The following CLPS variants were observed in gnomAD, a reference collection of about 807,000 sequenced individuals.
CLPS encodes the protein colipase, pancreatic.
CLPS carries 8 observed loss-of-function variants against 9.3 expected under a neutral mutation model. The observed-to-expected ratio is 0.86, with a 90% CI of 0.51 to 1.56. The LOEUF (loss-of-function observed/expected upper bound fraction) is 1.56. Among genes scored for constraint, CLPS ranks in the 40% most tolerant of loss-of-function variants. The pLI, the probability that CLPS is intolerant of heterozygous loss-of-function variation, is 0.00. For missense variants in CLPS, 144 were observed against 145.7 expected, an observed-to-expected ratio of 0.99 and a Z score of 0.06; for synonymous variants, 61 against 56.2, an observed-to-expected ratio of 1.09 and a Z score of -0.39.
At chr6:35,795,982 C>G in intron 1 of CLPS, 129 bp from the exon 2 acceptor site, 1 of 1,456,864 alleles carries the variant, frequency 6.9e-7, no homozygotes, top group Non-Finnish European at 9.3e-7. Context: ...GAGTCCATCC[C>G]CTGGGTCTGG....
chr6:35,796,344 C>T (rs977162538), intron 1 of CLPS, among the ~76,000 whole-genome samples: 2 of 152,274 alleles, frequency 1.3e-5, no homozygotes, highest in Admixed American at 1.3e-4. Flanking sequence ...AGTTCAGAAC[C>T]TTTCAACCGC....
chr6:35,797,266 A>C lies in CLPS; in HGVS notation c.23T>G (p.Leu8Arg). ...ATAGGCCACAGAGAGGGCGACAAGC[A>C]GGAGGATCAGGATCTTCTCCATGGT... Reference protein sequence around the residue: MEKILILLLVALSVAYAA... With the variant: MEKILILRLVALSVAYAA... The change falls in exon 1 of 3, where the codon CTG becomes CGG. Residue 8 changes from leucine (L) to arginine (R), a missense_variant. Transcript: ENST00000259938. 6.2e-7 allele frequency: 1 copy of C among 1,612,646 alleles called. No individual in the cohort carries two copies. The highest frequency in any genetic ancestry group is 8.5e-7 in the Non-Finnish European group (1 of 1,179,540).
chr6:35,796,425 C>T (rs1368101782), intron 1 of CLPS, among the ~76,000 whole-genome samples: 1 of 152,264 alleles, frequency 6.6e-6, no homozygotes, highest in Non-Finnish European at 1.5e-5. Context: ...GTGGTGGGGC[C>T]CCAGCTGAAC....
In CLPS at chr6:35,795,358, C is replaced by T. The variant is rs1768331407; in HGVS notation, c.208-81G>A. The T allele has an allele frequency of 5.2e-6, 8 of 1,553,330 alleles. No individual in the cohort carries two copies. In the Admixed American group the frequency reaches 1.3e-4, roughly 25 times the overall value. On this transcript the variant is annotated intron_variant, in intron 2 of 2. Transcript: ENST00000259938. ...TTGTCCCCTGCCTGACCTAGAGAACCAGTAGGCCAGCCTGTGTTTTCGGGG... is the reference window on the plus strand; with the variant it reads ...TTGTCCCCTGCCTGACCTAGAGAACTAGTAGGCCAGCCTGTGTTTTCGGGG...
intron 2 of CLPS, 135 bp from the exon 3 acceptor site, chr6:35,795,412 G>T: frequency 7.5e-7 from 1 of 1,338,928 alleles, no homozygotes; most frequent in Middle Eastern, 2.1e-4. Flanking sequence ...CTCCCCAGGG[G>T]TGCCGTGGGC....
intron 1 of CLPS, among the ~76,000 whole-genome samples, chr6:35,796,353 G>A (rs958155771): frequency 2.6e-5 from 4 of 152,394 alleles, no homozygotes; most frequent in African/African-American, 7.2e-5. Context: ...CCTTTCAACC[G>A]CATGGACGTT....
rs556188601 is a variant in CLPS at position 35,797,139 on chromosome 6, A to T, written c.84+66T>A. Reference sequence around the variant, plus strand: ...AGTCCAGGTGGAGACATCAGAGGTCAAGGTCCAAGCTTAGGAAGTCTTCAT... The same window carrying T: ...AGTCCAGGTGGAGACATCAGAGGTCTAGGTCCAAGCTTAGGAAGTCTTCAT... On this transcript the variant is annotated intron_variant, in intron 1 of 2. Coordinates refer to ENST00000259938, the MANE Select transcript of CLPS (RefSeq NM_001832.4). The T allele has an allele frequency of 2.8e-5, 40 of 1,443,438 alleles. No homozygotes were observed. In the African/African-American group the frequency reaches 5.2e-4, roughly 19 times the overall value. 89.4% of individuals were successfully genotyped at this position (1,443,438 alleles called of 1,614,324 possible).
rs1303690334 is a variant in CLPS at position 35,795,830 on chromosome 6, A to G, written c.108T>C (p.Asn36=). ...INLENGELCM[N]SAQCKSNCCQ... Reference sequence around the variant, plus strand: ...AGCAATTGCTCTTACACTGGGCACTATTCATGCAGAGCTCACCGTTCTCCT... The same window carrying G: ...AGCAATTGCTCTTACACTGGGCACTGTTCATGCAGAGCTCACCGTTCTCCT... The change falls in exon 2 of 3, where the codon AAT becomes AAC. Residue 36 remains asparagine, a synonymous_variant. Coordinates refer to ENST00000259938, the MANE Select transcript of CLPS (RefSeq NM_001832.4). The G allele has an allele frequency of 1.2e-6, 2 of 1,613,092 alleles. No homozygotes were observed. Among genetic ancestry groups the G allele is most frequent in the South Asian group, 1.1e-5 (1 of 91,090 alleles).
intron 1 of CLPS, chr6:35,796,798 A>G (rs1768379205): frequency 2.2e-6 from 1 of 456,100 alleles, no homozygotes; most frequent in Non-Finnish European, 4.4e-6. Context: ...GCTGAGCGTT[A>G]TGGCAGGCAC....
intron 1 of CLPS, 76 bp from the exon 2 acceptor site, chr6:35,795,929 A>G (rs1426733045): frequency 6.3e-7 from 1 of 1,579,802 alleles, no homozygotes; most frequent in East Asian, 2.3e-5. Context: ...CCCACCACAC[A>G]CTACCACTAA....
intron 1 of CLPS, among the ~76,000 whole-genome samples, chr6:35,796,242 C>G (rs1437318984): frequency 2.0e-5 from 3 of 152,288 alleles, no homozygotes; most frequent in African/African-American, 7.2e-5. Flanking sequence ...GATTGCATCT[C>G]CCTGCAAGAC....
Position 35,795,777 on chromosome 6 carries a change from G to A in CLPS, c.161C>T (p.Ala54Val), listed in dbSNP as rs757673222. Residue 54 changes from alanine (A) to valine (V), a missense_variant, in exon 2 of 3, where the codon GCC (alanine) becomes GTC (valine). Ala to Val is a moderately conservative substitution (Grantham distance 64). Coordinates refer to ENST00000259938, the MANE Select transcript of CLPS (RefSeq NM_001832.4). ...CTCGCTGGCCATGGATGTGCAGCGGGCCAGGCCCAGCGCACTTGAATGCTG... is the reference window on the plus strand; with the variant it reads ...CTCGCTGGCCATGGATGTGCAGCGGACCAGGCCCAGCGCACTTGAATGCTG... ...CCQHSSALGL[A>V]RCTSMASENS... 1 of 1,613,078 alleles carries A rather than the reference G, an allele frequency of 6.2e-7. No homozygotes were observed. The highest frequency in any genetic ancestry group is 8.5e-7 in the Non-Finnish European group (1 of 1,180,026).
At position 35,795,295 on chromosome 6, in the gene CLPS, A is replaced by G; in HGVS notation, c.208-18T>C. The G allele has an allele frequency of 6.2e-7, 1 of 1,612,924 alleles. No homozygotes were observed. On this transcript the variant is annotated intron_variant, in intron 2 of 2. Transcript: ENST00000259938. ...TAGAGCGTCTGCAGAGACACAGCCA[A>G]TGGAGTCAAGGCTATGGGGAGATAC... is the stretch of plus-strand genomic sequence containing the variant.
chr6:35,796,870 A>G, intron 1 of CLPS: 1 of 465,964 alleles, frequency 2.1e-6, no homozygotes, highest in South Asian at 1.7e-5. Flanking sequence ...GGAAGCAGAG[A>G]TTGCAGTGAG....
At chr6:35,796,060 G>C (rs570992696) in intron 1 of CLPS, among the ~76,000 whole-genome samples, 1 of 152,404 alleles carries the variant, frequency 6.6e-6, no homozygotes, top group East Asian at 1.9e-4. Context: ...CTTGCACAGA[G>C]GGTCAGGACC....
Position 35,795,848 on chromosome 6 carries a change from G to A in CLPS, c.90C>T (p.Asn30=), listed in dbSNP as rs201723286. 6.1e-5 allele frequency: 98 copies of A among 1,612,460 alleles called. No individual in the cohort carries two copies. The highest frequency in any genetic ancestry group is 1.5e-4 in the South Asian group (14 of 91,084). ...GPRGIIINLE[N]GELCMNSAQC... ...GGGCACTATTCATGCAGAGCTCACCGTTCTCCTGCCAGGAGCAGCCAGTCA... is the reference window on the plus strand; with the variant it reads ...GGGCACTATTCATGCAGAGCTCACCATTCTCCTGCCAGGAGCAGCCAGTCA... The change falls in exon 2 of 3, where the codon AAC becomes AAT. Residue 30 remains asparagine (N), a synonymous_variant. Coordinates refer to ENST00000259938, the MANE Select transcript of CLPS (RefSeq NM_001832.4).
intron 1 of CLPS, 139 bp downstream of exon 1, chr6:35,797,066 T>C (rs1363261207): frequency 2.1e-5 from 16 of 769,808 alleles, no homozygotes; most frequent in African/African-American, 1.6e-4. Flanking sequence ...GGACAGGACA[T>C]GGAAGTAAAC....
chr6:35,797,165 C>G lies in CLPS; in HGVS notation c.84+40G>C, dbSNP rs577828670. Reference sequence around the variant, plus strand: ...AGGTCCAAGCTTAGGAAGTCTTCATCTGGGGACTCAGGAGGCGCCTCCCCT... The same window carrying G: ...AGGTCCAAGCTTAGGAAGTCTTCATGTGGGGACTCAGGAGGCGCCTCCCCT... On this transcript the variant is annotated intron_variant, in intron 1 of 2. Transcript: ENST00000259938. The G allele has an allele frequency of 2.9e-5, 45 of 1,566,132 alleles. 1 individual carries two copies. Among genetic ancestry groups the G allele is most frequent in the South Asian group, 1.3e-4 (12 of 89,688 alleles).
At position 35,797,205 on chromosome 6, in the gene CLPS, C is replaced by A. The variant is rs1307951939; in HGVS notation, c.84G>T (p.Leu28=). ...APGPRGIIIN[L]ENGELCMNSA... is the part of the protein sequence containing the mutation. ...GCGCCTCCCCTGAAGACCCTCTTACCAGGTTGATAATGATCCCCCGGGGGC... is the reference window on the plus strand; with the variant it reads ...GCGCCTCCCCTGAAGACCCTCTTACAAGGTTGATAATGATCCCCCGGGGGC... The change falls in exon 1 of 3, where the codon CTG becomes CTT. Residue 28 remains leucine (L), a splice_region_variant and synonymous_variant. Transcript: ENST00000259938. 6.2e-7 allele frequency: 1 copy of A among 1,613,690 alleles called. No homozygotes were observed. The highest frequency in any genetic ancestry group is 1.1e-5 in the South Asian group (1 of 91,062).
Sources: gnomAD v4.1 joint callset for allele counts (sites outside exome capture counted in the v4.1 genomes callset) on GRCh38, gnomAD v4.1.1 for gene constraint, MANE v1.5 for transcripts, NCBI Gene and HGNC (gene_info 2026-07-23, HGNC 2026-07-21) for gene names.